KIAA0586: variants seen among roughly 807,000 people sequenced by gnomAD.
KIAA0586 encodes the protein protein TALPID3.
In KIAA0586, 144 loss-of-function variants were observed where a neutral mutation model predicts 169.8. The observed-to-expected ratio is 0.85, with a 90% confidence interval of 0.74 to 0.97. KIAA0586 has a LOEUF of 0.97. KIAA0586 is among the 50% of genes least tolerant of loss of function. The pLI, the probability that KIAA0586 is intolerant of heterozygous loss-of-function variation, is 0.00. For synonymous variants in KIAA0586, 625 were observed against 612.4 expected (o/e 1.02, Z -0.30); for missense variants, 1,854 against 1,823.0 (o/e 1.02, Z -0.31).
At chr14:58,508,846 G>C in intron 28 of KIAA0586, 137 bp downstream of exon 28, 1 of 664,558 alleles carries the variant, frequency 1.5e-6, no homozygotes, top group Non-Finnish European at 2.5e-6. Context: ...CCTAACTCAA[G>C]TCTGAATATA....
At chr14:58,439,661 T>C (rs1349828344) in intron 4 of KIAA0586, 1 of 159,638 alleles carries the variant, frequency 6.3e-6, no homozygotes, top group African/African-American at 2.4e-5. Flanking sequence ...AATTGACAAC[T>C]CTTTATGATT....
chr14:58,515,278 G>A (rs2044672366), intron 29 of KIAA0586, among the ~76,000 whole-genome samples: 2 of 151,958 alleles, frequency 1.3e-5, no homozygotes, highest in African/African-American at 2.4e-5. Flanking sequence ...AGTAATAGGT[G>A]TAATTGCTGT....
chr14:58,465,973 T>C lies in KIAA0586; in HGVS notation c.2198T>C (p.Met733Thr), dbSNP rs752363556. 5.3e-5 allele frequency: 86 copies of C among 1,613,480 alleles called. No individual in the cohort carries two copies. Among genetic ancestry groups the C allele is most frequent in the Non-Finnish European group, 6.7e-5 (79 of 1,179,650 alleles). ...QQYLFSPSREMPTFSGTLEGH... is the reference protein window; with the variant it reads ...QQYLFSPSRETPTFSGTLEGH... ...TATTTGTTCAGCCCAAGTAGAGAAA[T>C]GCCTACTTTTTCAGGTACATTGGAA... The change falls in exon 15 of 31, where the codon ATG becomes ACG. Residue 733 changes from methionine to threonine, a missense_variant. Physicochemically the swap from Met to Thr is moderately conservative, Grantham distance 81 (BLOSUM62 -1). Transcript: ENST00000652326.
intron 16 of KIAA0586, among the ~76,000 whole-genome samples, chr14:58,468,588 C>T (rs887579469): frequency 1.3e-5 from 2 of 152,212 alleles, no homozygotes; most frequent in Non-Finnish European, 2.9e-5. Context: ...TACAAGACTT[C>T]AACAGGCTCA....
At chr14:58,486,952 A>G in intron 21 of KIAA0586, 55 bp from the exon 22 acceptor site, 1 of 1,407,080 alleles carries the variant, frequency 7.1e-7, no homozygotes, top group Non-Finnish European at 9.8e-7. Flanking sequence ...TTATTTTCAA[A>G]TTACTTTTAT....
At chr14:58,496,973 C>T (rs539561734) in intron 26 of KIAA0586, among the ~76,000 whole-genome samples, 36 of 89,916 alleles carry the variant, frequency 4.0e-4, no homozygotes, top group African/African-American at 1.5e-3. Flanking sequence ...TCATTTAAAA[C>T]AATTTTTTTT....
At chr14:58,534,574 G>A (rs1318998687) in intron 29 of KIAA0586, among the ~76,000 whole-genome samples, 1 of 152,084 alleles carries the variant, frequency 6.6e-6, no homozygotes, top group South Asian at 2.1e-4. Context: ...TAGATAGTAA[G>A]CCCTGTGAGA....
At chr14:58,431,757 T>C (rs1375187328) in intron 3 of KIAA0586, among the ~76,000 whole-genome samples, 1 of 152,240 alleles carries the variant, frequency 6.6e-6, no homozygotes, top group Non-Finnish European at 1.5e-5. Flanking sequence ...ATCAGTGTTT[T>C]ATAGTTCTCC....
intron 4 of KIAA0586, among the ~76,000 whole-genome samples, chr14:58,442,264 C>T (rs2038455759): frequency 6.6e-6 from 1 of 152,096 alleles, no homozygotes; most frequent in Non-Finnish European, 1.5e-5. Context: ...CGCATGCCAC[C>T]ACGCCCGGCT....
At position 58,427,827 on chromosome 14, in the gene KIAA0586, T is replaced by C. The variant is rs72716995; in HGVS notation, c.-438T>C. 1 of 1,446,416 alleles carries C rather than the reference T, an allele frequency of 6.9e-7. No individual in the cohort carries two copies. The highest frequency in any genetic ancestry group is 9.1e-7 in the Non-Finnish European group (1 of 1,102,784). 89.6% of individuals were successfully genotyped at this position (1,446,416 alleles called of 1,614,324 possible). ...GCATCTGGAGGGGTGTGTAAGACTC[T>C]GTGGCTGAAGAAAGCTATTACGCTT... On this transcript the variant is annotated 5_prime_UTR_variant, in exon 1 of 31. Transcript: ENST00000652326.
intron 28 of KIAA0586, 132 bp from the exon 29 acceptor site, chr14:58,512,390 A>G (rs955905622): frequency 1.8e-6 from 1 of 544,516 alleles, no homozygotes; most frequent in Non-Finnish European, 3.2e-6. Flanking sequence ...GCGAATAAAT[A>G]AAAAGCAATA....
chr14:58,487,271 C>G, intron 22 of KIAA0586, 105 bp downstream of exon 22: 4 of 1,014,792 alleles, frequency 3.9e-6, no homozygotes, highest in Non-Finnish European at 5.6e-6. Context: ...ATCATTTTTT[C>G]TCACAAGGAA....
At position 58,482,710 on chromosome 14, in the gene KIAA0586, C is replaced by A; in HGVS notation, c.3142C>A (p.Pro1048Thr). Residue 1048 changes from proline (P) to threonine (T), a missense_variant and splice_region_variant, in exon 21 of 31, where the codon CCG becomes ACG. Coordinates refer to ENST00000652326, the MANE Select transcript of KIAA0586 (RefSeq NM_001329943.3). The part of the protein sequence containing the change: ...GDASTNETYL[P>T]ARVCTPLPTP... ...TGCTTCAACAAATGAAACATATTTG[C>A]CGGTATGGGGAATTTTTGAGACATT... 6.5e-7 allele frequency: 1 copy of A among 1,550,314 alleles called. No homozygotes were observed. The highest frequency in any genetic ancestry group is 2.0e-5 in the Admixed American group (1 of 49,218).
At chr14:58,484,250 A>G (rs756257579) in intron 21 of KIAA0586, among the ~76,000 whole-genome samples, 8 of 152,190 alleles carry the variant, frequency 5.3e-5, no homozygotes, top group Non-Finnish European at 7.4e-5. Context: ...TAGGGCAAGC[A>G]CTACTCGCAG....
intron 9 of KIAA0586, among the ~76,000 whole-genome samples, chr14:58,454,777 C>T (rs971623586): frequency 8.5e-5 from 13 of 152,222 alleles, no homozygotes; most frequent in Admixed American, 4.6e-4. Flanking sequence ...GGTGGCCTCC[C>T]TCTTGCTGTC....
At position 58,487,866 on chromosome 14, in the gene KIAA0586, C is replaced by CT. The variant is rs765241131; in HGVS notation, c.3305-17dup. The stretch of plus-strand genomic sequence containing the variant: ...TTACTGACTACTATCTTTTTCTGTC[C>CT]TTTTAAAAAAAAACCTTTAGGAGAT... On this transcript the variant is annotated intron_variant, in intron 22 of 30. Coordinates refer to ENST00000652326, the MANE Select transcript of KIAA0586 (RefSeq NM_001329943.3). 195 of 1,397,062 alleles carry CT rather than the reference C, an allele frequency of 1.4e-4. 1 individual carries two copies. The highest frequency in any genetic ancestry group is 1.7e-4 in the Non-Finnish European group (177 of 1,060,712). 86.5% of individuals were successfully genotyped at this position (1,397,062 alleles called of 1,614,324 possible). A position where few individuals can be genotyped will look rare whatever the true frequency, so the allele number is the denominator to read the frequency against.
chr14:58,551,722 C>T (rs1269196042), downstream of KIAA0586, among the ~76,000 whole-genome samples: 9 of 151,780 alleles, frequency 5.9e-5, no homozygotes, highest in Admixed American at 3.3e-4. Flanking sequence ...GCTGAGATTG[C>T]GCCACTGCAC....
chr14:58,475,365 C>T (rs1249600304), intron 19 of KIAA0586, among the ~76,000 whole-genome samples: 2 of 152,072 alleles, frequency 1.3e-5, no homozygotes, highest in African/African-American at 2.4e-5. Context: ...AGTTTCCTCC[C>T]GAATCTATCC....
intron 29 of KIAA0586, among the ~76,000 whole-genome samples, chr14:58,523,736 AT>A: frequency 6.6e-6 from 1 of 150,466 alleles, no homozygotes; most frequent in East Asian, 2.0e-4. Context: ...TATTATTATT[AT>A]TATTATTATT....
Sources: allele counts gnomAD v4.1 joint callset (sites outside exome capture counted in the v4.1 genomes callset), GRCh38; gene constraint gnomAD v4.1.1; transcripts MANE v1.5; gene names NCBI Gene and HGNC (gene_info 2026-07-23, HGNC 2026-07-21).